CCDC178: variants seen among roughly 807,000 people sequenced by gnomAD.
The protein encoded by CCDC178 is coiled-coil domain-containing protein 178.
In CCDC178, 126 loss-of-function variants were observed where a neutral mutation model predicts 117.4. The ratio of observed to expected loss-of-function variants is 1.07; its 90% CI spans 0.93 to 1.24. The LOEUF is 1.24. Ranked by LOEUF, CCDC178 falls within the 50% of genes most tolerant of loss-of-function variation. The probability of loss-of-function intolerance (pLI) is 0.00; values close to 1 mark genes in which losing one functional copy is unlikely to be tolerated. For synonymous variants in CCDC178, 283 were observed against 313.4 expected (o/e 0.90, Z 1.02); for missense variants, 1,030 against 986.9 (o/e 1.04, Z -0.59).
chr18:33,254,285 C>T (rs1289971694), intron 14 of CCDC178, among the ~76,000 whole-genome samples: 4 of 151,446 alleles, frequency 2.6e-5, no homozygotes, highest in African/African-American at 9.7e-5. Flanking sequence ...CACACACACA[C>T]ACACACACAC....
At chr18:33,243,616 C>T (rs1282665192) in intron 15 of CCDC178, among the ~76,000 whole-genome samples, 1 of 151,872 alleles carries the variant, frequency 6.6e-6, no homozygotes, top group African/African-American at 2.4e-5. Context: ...TTACATCAAA[C>T]TTGCATTGAA....
intron 2 of CCDC178, among the ~76,000 whole-genome samples, chr18:33,421,207 G>A (rs959423523): frequency 6.6e-6 from 1 of 152,166 alleles, no homozygotes. Context: ...ATAAAGTAAT[G>A]ATAGGTAATT....
At chr18:33,072,862 C>T (rs2057133709) in intron 21 of CCDC178, among the ~76,000 whole-genome samples, 1 of 152,088 alleles carries the variant, frequency 6.6e-6, no homozygotes, top group African/African-American at 2.4e-5. Flanking sequence ...CCATCTTGGC[C>T]TCTCGAACTG....
intron 22 of CCDC178, among the ~76,000 whole-genome samples, chr18:32,965,767 T>C (rs2054798554): frequency 6.6e-6 from 1 of 151,582 alleles, no homozygotes; most frequent in East Asian, 1.9e-4. Flanking sequence ...ATTAATATAT[T>C]TGAAAAACAT....
At chr18:33,356,249 A>T (rs908622568) in intron 7 of CCDC178, 75 bp downstream of exon 7, 1 of 1,355,136 alleles carries the variant, frequency 7.4e-7, no homozygotes, top group East Asian at 2.7e-5. Flanking sequence ...TTTGAAGTTA[A>T]ACTGGATTAT....
chr18:32,983,231 G>T lies in CCDC178; in HGVS notation c.2389-8550C>A, dbSNP rs181619495. On this transcript the variant is annotated intron_variant, in intron 21 of 22. Coordinates refer to ENST00000383096, the MANE Select transcript of CCDC178 (RefSeq NM_001105528.4). ...TGTGTGACACTTGTTAGAGGTTACA[G>T]TATTTCTGAAAGATGCACGTGTATG... 3 of 1,053,282 alleles carry T rather than the reference G, an allele frequency of 2.8e-6. No individual in the cohort carries two copies. In the East Asian group the frequency reaches 7.8e-5, roughly 27 times the overall value. 65.2% of individuals were successfully genotyped at this position (1,053,282 alleles called of 1,614,324 possible).
chr18:33,158,774 C>T (rs2058430132), intron 20 of CCDC178, among the ~76,000 whole-genome samples: 1 of 152,078 alleles, frequency 6.6e-6, no homozygotes, highest in Admixed American at 6.6e-5. Context: ...ATTTTCTCTA[C>T]ACTAAAGTGT....
chr18:32,989,664 C>A (rs1431541252), intron 21 of CCDC178, among the ~76,000 whole-genome samples: 1 of 152,044 alleles, frequency 6.6e-6, no homozygotes, highest in Non-Finnish European at 1.5e-5. Flanking sequence ...ATATTTCCTT[C>A]CTTTGATATT....
intron 9 of CCDC178, among the ~76,000 whole-genome samples, chr18:33,344,128 C>A (rs1354208061): frequency 6.7e-6 from 1 of 149,690 alleles, no homozygotes; most frequent in Non-Finnish European, 1.5e-5. Flanking sequence ...CAAGGCGAAA[C>A]CCCGTCTCTA....
chr18:33,342,606 C>T (rs1376664658), intron 9 of CCDC178, among the ~76,000 whole-genome samples: 1 of 152,138 alleles, frequency 6.6e-6, no homozygotes, highest in East Asian at 1.9e-4. Flanking sequence ...CCATTTGCCA[C>T]ATGAAAACCA....
intron 21 of CCDC178, among the ~76,000 whole-genome samples, chr18:32,978,891 G>T (rs2055083359): frequency 6.6e-6 from 1 of 152,010 alleles, no homozygotes. Flanking sequence ...ACAAAAATTA[G>T]CCAGGCGCGG....
chr18:33,271,614 A>T (rs1420731563), intron 12 of CCDC178, among the ~76,000 whole-genome samples: 1 of 151,568 alleles, frequency 6.6e-6, no homozygotes, highest in Non-Finnish European at 1.5e-5. Flanking sequence ...AAGCTTCAAG[A>T]TACATGAAAC....
At chr18:32,989,605 A>G (rs1245889234) in intron 21 of CCDC178, among the ~76,000 whole-genome samples, 2 of 152,208 alleles carry the variant, frequency 1.3e-5, no homozygotes, top group African/African-American at 4.8e-5. Context: ...CTGTATTACA[A>G]TAAAACTTTA....
intron 22 of CCDC178, among the ~76,000 whole-genome samples, chr18:32,973,706 G>A (rs1033568151): frequency 2.6e-5 from 4 of 152,002 alleles, no homozygotes; most frequent in African/African-American, 7.2e-5. Context: ...TATGAAGTGC[G>A]TGTATAATAA....
At chr18:33,054,256 T>C (rs370246244) in intron 21 of CCDC178, among the ~76,000 whole-genome samples, 2 of 152,192 alleles carry the variant, frequency 1.3e-5, no homozygotes, top group African/African-American at 4.8e-5. Context: ...ATTACACATT[T>C]TTCTTTTTTC....
chr18:32,989,631 T>C (rs2055346350), intron 21 of CCDC178, among the ~76,000 whole-genome samples: 1 of 152,202 alleles, frequency 6.6e-6, no homozygotes, highest in Non-Finnish European at 1.5e-5. Flanking sequence ...GGAATTTGCA[T>C]GTCATATATT....
chr18:33,255,656 T>C (rs559093077), intron 14 of CCDC178, among the ~76,000 whole-genome samples: 1 of 151,882 alleles, frequency 6.6e-6, no homozygotes, highest in Non-Finnish European at 1.5e-5. Flanking sequence ...ATACTCCACA[T>C]GATACTGTTG....
chr18:33,277,248 A>G (rs1312992011), intron 12 of CCDC178, among the ~76,000 whole-genome samples: 1 of 152,164 alleles, frequency 6.6e-6, no homozygotes, highest in African/African-American at 2.4e-5. Context: ...AAAAATTAGT[A>G]AATTAGTGCA....
intron 21 of CCDC178, among the ~76,000 whole-genome samples, chr18:33,016,980 G>A (rs2056005068): frequency 6.6e-6 from 1 of 151,822 alleles, no homozygotes; most frequent in Admixed American, 6.6e-5. Context: ...AAGGACTATT[G>A]ACAAAAATCC....
Sources: gnomAD v4.1 joint callset for allele counts (sites outside exome capture counted in the v4.1 genomes callset) on GRCh38, gnomAD v4.1.1 for gene constraint, MANE v1.5 for transcripts, NCBI Gene and HGNC (gene_info 2026-07-23, HGNC 2026-07-21) for gene names.